Variants in MED1 observed in about 807,000 individuals in gnomAD.
The protein encoded by MED1 is mediator complex subunit 1.
MED1 carries 17 observed loss-of-function variants against 121.3 expected under a neutral mutation model. That is an observed-to-expected ratio of 0.14 (90% CI 0.10 to 0.21). MED1 has a LOEUF of 0.21. MED1 is among the 10% of genes least tolerant of loss of function. The pLI, the probability that MED1 is intolerant of heterozygous loss-of-function variation, is 1.00. For missense variants in MED1, 1,558 were observed against 1,919.4 expected (o/e 0.81, Z 3.52); for synonymous variants, 661 against 694.4 (o/e 0.95, Z 0.76).
chr17:39,438,200 CT>C (rs1199090581), intron 6 of MED1, among the ~76,000 whole-genome samples: 3 of 150,492 alleles, frequency 2.0e-5, no homozygotes, highest in Non-Finnish European at 4.4e-5. Flanking sequence ...GAGATGGAGT[CT>C]TGCTCTGTCA....
chr17:39,429,702 T>TTAA (rs1555543237), intron 9 of MED1, among the ~76,000 whole-genome samples: 2 of 48,966 alleles, frequency 4.1e-5, no homozygotes, highest in African/African-American at 2.0e-4. Context: ...CCTAAATGCC[T>TTAA]AAAAAAAAAA....
At chr17:39,410,814 A>G in intron 16 of MED1, 93 bp from the exon 17 acceptor site, 1 of 1,493,768 alleles carries the variant, frequency 6.7e-7, no homozygotes. Context: ...TGCAGTAAGC[A>G]GTTTTCAGGT....
chr17:39,415,222 G>T (rs1303903501), intron 15 of MED1, 22 bp downstream of exon 15: 2 of 1,610,198 alleles, frequency 1.2e-6, no homozygotes, highest in Admixed American at 3.3e-5. Flanking sequence ...CATGAGAGGT[G>T]TTAGCCACCC....
At chr17:39,412,533 CTTT>C (rs1170139893) in intron 16 of MED1, among the ~76,000 whole-genome samples, 3 of 102,288 alleles carry the variant, frequency 2.9e-5, no homozygotes, top group African/African-American at 7.0e-5. Flanking sequence ...GCAAATTTTT[CTTT>C]TTTTTTTTTT....
At chr17:39,441,537 C>T (rs1403789711) in intron 3 of MED1, among the ~76,000 whole-genome samples, 3 of 152,134 alleles carry the variant, frequency 2.0e-5, no homozygotes, top group South Asian at 2.1e-4. Flanking sequence ...TTTCGGAGAC[C>T]GAGGCATGCG....
chr17:39,441,712 TGCAGTGA>T (rs2048676524), intron 3 of MED1, among the ~76,000 whole-genome samples: 1 of 152,082 alleles, frequency 6.6e-6, no homozygotes, highest in Admixed American at 6.6e-5. Context: ...GCGCAGTGGT[TGCAGTGA>T]GCAGAGATCG....
chr17:39,439,124 C>T, intron 6 of MED1, 41 bp downstream of exon 6: 2 of 1,571,016 alleles, frequency 1.3e-6, no homozygotes, highest in Non-Finnish European at 1.7e-6. Flanking sequence ...AAGAACAGCA[C>T]TGTCTGTCAA....
In MED1 at chr17:39,405,602, C is replaced by G; in HGVS notation, c.*1873G>C. The G allele has an allele frequency of 1.8e-5, 22 of 1,190,006 alleles. No homozygotes were observed. The highest frequency in any genetic ancestry group is 2.8e-5 in the South Asian group (1 of 35,960). The allele number at this position is 1,190,006 out of a possible 1,614,324, so 73.7% of individuals were successfully genotyped here. On this transcript the variant is annotated 3_prime_UTR_variant, in exon 17 of 17. Coordinates refer to ENST00000300651, the MANE Select transcript of MED1 (RefSeq NM_004774.4). Reference sequence around the variant, plus strand: ...ATAAAGCACTCTGGTATCACCTGCCCATATCCTCCTTAGTGTCACCCAAGA... The same window carrying G: ...ATAAAGCACTCTGGTATCACCTGCCGATATCCTCCTTAGTGTCACCCAAGA...
chr17:39,449,437 T>A (rs2048760283), intron 1 of MED1, among the ~76,000 whole-genome samples: 1 of 152,144 alleles, frequency 6.6e-6, no homozygotes, highest in African/African-American at 2.4e-5. Flanking sequence ...CGCTTCGGCC[T>A]CCCAAGGTGC....
At chr17:39,427,094 T>A (rs1442447220) in intron 10 of MED1, among the ~76,000 whole-genome samples, 1 of 152,168 alleles carries the variant, frequency 6.6e-6, no homozygotes, top group African/African-American at 2.4e-5. Flanking sequence ...CCTTCTACAC[T>A]TTTTAAACAA....
intron 6 of MED1, 71 bp from the exon 7 acceptor site, chr17:39,434,391 A>G (rs1345758929): frequency 2.6e-6 from 2 of 769,554 alleles, no homozygotes; most frequent in Admixed American, 3.0e-5. Context: ...ATCTTACAAC[A>G]AAGTGCCAAA....
At chr17:39,413,683 G>A (rs760467404) in intron 16 of MED1, among the ~76,000 whole-genome samples, 3 of 151,816 alleles carry the variant, frequency 2.0e-5, no homozygotes, top group South Asian at 2.1e-4. Flanking sequence ...TCAGTGAGCC[G>A]TCATCACACC....
At chr17:39,418,118 G>C (rs2048427762) in intron 14 of MED1, among the ~76,000 whole-genome samples, 1 of 134,674 alleles carries the variant, frequency 7.4e-6, no homozygotes, top group South Asian at 2.6e-4. Context: ...AAATTCATCA[G>C]CATTCCAGAA....
At chr17:39,431,787 G>A (rs2048567184) in intron 8 of MED1, among the ~76,000 whole-genome samples, 155 bp downstream of exon 8, 3 of 152,104 alleles carry the variant, frequency 2.0e-5, no homozygotes, top group African/African-American at 7.2e-5. Flanking sequence ...ACAACTTAGC[G>A]ATACTGATAC....
At chr17:39,420,789 C>CTTT (rs1403067454) in intron 13 of MED1, among the ~76,000 whole-genome samples, 1 of 110,530 alleles carries the variant, frequency 9.0e-6, no homozygotes. Flanking sequence ...CCACATGTGC[C>CTTT]TATTTTTTTT....
At chr17:39,419,342 C>G (rs973675020) in intron 14 of MED1, among the ~76,000 whole-genome samples, 2 of 152,068 alleles carry the variant, frequency 1.3e-5, no homozygotes, top group African/African-American at 4.8e-5. Flanking sequence ...TCCCAAAGTG[C>G]TGGGATTACA....
rs971033484 is a variant in MED1, at chr17:39,404,814, C to G, written c.*2661G>C. The G allele has an allele frequency of 6.5e-6, 1 of 154,460 alleles. No individual in the cohort carries two copies. Among genetic ancestry groups the G allele is most frequent in the Admixed American group, 6.4e-5 (1 of 15,574 alleles). The allele number at this position is 154,460 out of a possible 1,614,324, so 9.6% of individuals were successfully genotyped here. A position where few individuals can be genotyped will look rare whatever the true frequency, so the allele number is the denominator to read the frequency against. ...AGAAAGAAAATCTTTCAAGAGTCAC[C>G]AACCTCAAGCCTGGTTTTGGCAATT... On this transcript the variant is annotated 3_prime_UTR_variant, in exon 17 of 17. Transcript: ENST00000300651.
chr17:39,435,722 GTC>G (rs1379113421), intron 6 of MED1, among the ~76,000 whole-genome samples: 2 of 151,810 alleles, frequency 1.3e-5, no homozygotes, highest in Non-Finnish European at 2.9e-5. Context: ...TTGAGACAGA[GTC>G]TCACTCTGTC....
intron 14 of MED1, among the ~76,000 whole-genome samples, chr17:39,417,545 C>T (rs1258394755): frequency 6.6e-6 from 1 of 152,146 alleles, no homozygotes; most frequent in East Asian, 1.9e-4. Flanking sequence ...AGGAGAATGA[C>T]GTGAACTCAG....
Sources: allele counts gnomAD v4.1 joint callset (sites outside exome capture counted in the v4.1 genomes callset), GRCh38; gene constraint gnomAD v4.1.1; transcripts MANE v1.5; gene names NCBI Gene and HGNC (gene_info 2026-07-23, HGNC 2026-07-21).